LAMA2: variants seen among roughly 807,000 people sequenced by gnomAD.
LAMA2 encodes laminin subunit alpha 2.
In LAMA2, 269 loss-of-function variants were observed where a neutral mutation model predicts 364.8. That is an observed-to-expected ratio of 0.74 (90% CI 0.67 to 0.82). LAMA2 has a LOEUF of 0.82. Among genes scored for constraint, LAMA2 ranks in the 40% least tolerant of loss-of-function variants. The probability of loss-of-function intolerance (pLI) is 0.00; values close to 1 mark genes in which losing one functional copy is unlikely to be tolerated. For missense variants in LAMA2, 3,807 were observed against 3,873.2 expected (o/e 0.98, Z 0.45); for synonymous variants, 1,379 against 1,370.6 (o/e 1.01, Z -0.14).
intron 1 of LAMA2, among the ~76,000 whole-genome samples, chr6:129,015,880 C>T (rs9482973): frequency 0.025 from 3,754 of 151,926 alleles, 143 homozygotes; most frequent in African/African-American, 0.087. Context: ...CAATGGAAAC[C>T]GTGAGGTACA....
chr6:128,925,052 A>T lies in LAMA2; in HGVS notation c.112+41695A>T, dbSNP rs182743857. On this transcript the variant is annotated intron_variant, in intron 1 of 64. Transcript: ENST00000421865. ...AGGATGTGAAGGAATTAGAAGCCTT[A>T]TGCATTGTTGATGGGAATATAAAAT... Among the ~76,000 whole-genome samples the T allele has an allele frequency of 1.3e-3, 193 of 152,334 alleles. 1 individual carries two copies. Among genetic ancestry groups the T allele is most frequent in the African/African-American group, 4.4e-3 (182 of 41,576 alleles).
chr6:129,205,461 G>T (rs1782565333), intron 12 of LAMA2, among the ~76,000 whole-genome samples: 1 of 135,456 alleles, frequency 7.4e-6, no homozygotes, highest in African/African-American at 3.1e-5. Flanking sequence ...CTTCTCTTCT[G>T]GGAATTTATT....
At chr6:129,016,105 A>T (rs577201927) in intron 1 of LAMA2, among the ~76,000 whole-genome samples, 2 of 152,212 alleles carry the variant, frequency 1.3e-5, no homozygotes, top group East Asian at 3.9e-4. Flanking sequence ...GGTATCATCT[A>T]TGACAATGTT....
rs544271722 is a variant in LAMA2 at position 129,066,038 on chromosome 6, G to GTTTTTTTTTTTTTTTTTTTT, written c.396+6148_396+6167dup. Among the ~76,000 whole-genome samples the GTTTTTTTTTTTTTTTTTTTT allele has an allele frequency of 1.6e-4, 6 of 37,112 alleles. 1 individual carries two copies. Among genetic ancestry groups the GTTTTTTTTTTTTTTTTTTTT allele is most frequent in the African/African-American group, 5.1e-4 (6 of 11,698 alleles). The allele number at this position is 37,112 out of a possible 152,430, so 24.3% of individuals were successfully genotyped here. ...TCTTTTGTAAATTGCCCAGTCTCAG[G>GTTTTTTTTTTTTTTTTTTTT]TTTTTTTTTTTTTTTTTTTTTTTTT... On this transcript the variant is annotated intron_variant, in intron 3 of 64. Transcript: ENST00000421865.
At chr6:129,280,469 G>C (rs779149124) in intron 18 of LAMA2, among the ~76,000 whole-genome samples, 5 of 152,086 alleles carry the variant, frequency 3.3e-5, no homozygotes, top group Non-Finnish European at 7.4e-5. Context: ...TTATCTTACT[G>C]TCTGTGTAGG....
chr6:129,502,818 C>T (rs779874318), intron 59 of LAMA2, 47 bp downstream of exon 59: 1 of 1,248,086 alleles, frequency 8.0e-7, no homozygotes, highest in South Asian at 1.2e-5. Flanking sequence ...AAATGAAGAA[C>T]TGAGTATTTG....
At chr6:129,037,930 A>T (rs1475726453) in intron 1 of LAMA2, among the ~76,000 whole-genome samples, 1 of 152,164 alleles carries the variant, frequency 6.6e-6, no homozygotes, top group African/African-American at 2.4e-5. Context: ...TGGCCTCCCA[A>T]AGTGTAGTTT....
chr6:128,997,544 C>T (rs1471538595), intron 1 of LAMA2, among the ~76,000 whole-genome samples: 1 of 152,164 alleles, frequency 6.6e-6, no homozygotes, highest in Non-Finnish European at 1.5e-5. Flanking sequence ...CCTGTAATTC[C>T]AGCACTTTCG....
chr6:129,488,069 G>A (rs910752528), intron 56 of LAMA2, among the ~76,000 whole-genome samples: 4 of 152,146 alleles, frequency 2.6e-5, no homozygotes, highest in African/African-American at 9.7e-5. Context: ...CAGCACTTTG[G>A]GAGGCCAAGG....
At chr6:129,513,693 A>T (rs541488726) in intron 63 of LAMA2, among the ~76,000 whole-genome samples, 1 of 152,280 alleles carries the variant, frequency 6.6e-6, no homozygotes, top group African/African-American at 2.4e-5. Flanking sequence ...GAATTCTGTC[A>T]TCTCAAATTT....
rs1167972027 is a variant in LAMA2 at position 129,357,855 on chromosome 6, G to T, written c.4717+4498G>T. Among the ~76,000 whole-genome samples, 3 of 152,054 alleles carry T rather than the reference G, an allele frequency of 2.0e-5. No individual in the cohort carries two copies. The East Asian group carries it at 5.8e-4, about 29-fold the overall frequency. On this transcript the variant is annotated intron_variant, in intron 32 of 64. Coordinates refer to ENST00000421865, the MANE Select transcript of LAMA2 (RefSeq NM_000426.4). The stretch of plus-strand genomic sequence containing the variant: ...CAGTGATTGCCCCCTATATATGGGA[G>T]CAGAAACAAAATAGAATGTGGTTAT...
chr6:129,099,067 T>C (rs895651821), intron 4 of LAMA2, among the ~76,000 whole-genome samples: 10 of 151,756 alleles, frequency 6.6e-5, no homozygotes, highest in Admixed American at 2.0e-4. Context: ...ATTCTAACCA[T>C]GGCTTCAGTT....
At chr6:129,441,388 A>G (rs773787257) in intron 43 of LAMA2, among the ~76,000 whole-genome samples, 20 of 152,322 alleles carry the variant, frequency 1.3e-4, no homozygotes, top group South Asian at 4.1e-4. Flanking sequence ...ACGTTCATGA[A>G]CAGACTTGTT....
At chr6:129,121,826 G>A (rs780415894) in intron 4 of LAMA2, among the ~76,000 whole-genome samples, 2 of 151,958 alleles carry the variant, frequency 1.3e-5, no homozygotes, top group Admixed American at 6.6e-5. Flanking sequence ...TAAAATTAAC[G>A]AGTCAATTTT....
chr6:129,185,765 G>C (rs925142783), intron 10 of LAMA2, among the ~76,000 whole-genome samples: 3 of 151,842 alleles, frequency 2.0e-5, no homozygotes, highest in African/African-American at 7.2e-5. Context: ...CATAATATGT[G>C]AGAATATAAA....
At chr6:128,898,245 G>T (rs1204357572) in intron 1 of LAMA2, among the ~76,000 whole-genome samples, 1 of 152,114 alleles carries the variant, frequency 6.6e-6, no homozygotes, top group Non-Finnish European at 1.5e-5. Context: ...AGTCAAAGTT[G>T]CCACTATCCT....
chr6:129,071,631 T>A (rs1562212401), intron 3 of LAMA2, among the ~76,000 whole-genome samples: 1 of 152,192 alleles, frequency 6.6e-6, no homozygotes, highest in African/African-American at 2.4e-5. Context: ...AAATATATTC[T>A]AATTTTCATA....
At chr6:129,046,077 C>T (rs745736213) in intron 1 of LAMA2, among the ~76,000 whole-genome samples, 22 of 152,174 alleles carry the variant, frequency 1.4e-4, no homozygotes, top group Admixed American at 1.3e-3. Flanking sequence ...ATCATATAAG[C>T]GAGCAAGAGA....
At chr6:129,516,068 A>T in intron 64 of LAMA2, 122 bp from the exon 65 acceptor site, 1 of 1,136,096 alleles carries the variant, frequency 8.8e-7, no homozygotes, top group Non-Finnish European at 1.3e-6. Flanking sequence ...AAACAAAACC[A>T]CTAACTTTGC....
Sources: gnomAD v4.1 joint callset for allele counts (sites outside exome capture counted in the v4.1 genomes callset) on GRCh38, gnomAD v4.1.1 for gene constraint, MANE v1.5 for transcripts, NCBI Gene and HGNC (gene_info 2026-07-23, HGNC 2026-07-21) for gene names.